Variants in LRP4 observed in about 807,000 individuals in gnomAD.
LRP4 encodes LDL receptor related protein 4, also known as low-density lipoprotein receptor-related protein 4.
In LRP4, 95 loss-of-function variants were observed where a neutral mutation model predicts 220.3. The ratio of observed to expected loss-of-function variants is 0.43; its 90% CI spans 0.37 to 0.51. The LOEUF (loss-of-function observed/expected upper bound fraction) is 0.51, where lower values mean the gene tolerates loss of function less well. Among genes scored for constraint, LRP4 ranks in the 20% least tolerant of loss-of-function variants. LRP4 has a pLI of 0.00. For synonymous variants in LRP4, 903 were observed against 954.6 expected, an observed-to-expected ratio of 0.95 and a Z score of 1.00; for missense variants, 1,925 against 2,567.0, an observed-to-expected ratio of 0.75 and a Z score of 5.40.
intron 8 of LRP4, 118 bp from the exon 9 acceptor site, chr11:46,896,453 G>A: frequency 7.6e-7 from 1 of 1,312,290 alleles, no homozygotes; most frequent in East Asian, 2.3e-5. Context: ...GGAGGGTGAG[G>A]GTCCTGGGCA....
chr11:46,875,677 A>G lies in LRP4; in HGVS notation c.3704T>C (p.Ile1235Thr). The G allele has an allele frequency of 5.0e-6, 8 of 1,613,880 alleles. No individual in the cohort carries two copies. The highest frequency in any genetic ancestry group is 6.8e-6 in the Non-Finnish European group (8 of 1,179,808). Residue 1235 changes from isoleucine (I) to threonine (T), a missense_variant, in exon 27 of 38, where the codon ATT (isoleucine) becomes ACT (threonine). Transcript: ENST00000378623. This position sits in a 1 kb window ranked among gnomAD's most constrained non-coding sequence, Gnocchi z 4.5. ...LLWADAHTER[I>T]EAADLNGANR... ...GGCACCATTCAGGTCAGCAGCCTCA[A>G]TTCGCTGCAGAGGAAGGAGAGGGTG...
chr11:46,896,455 T>G, intron 8 of LRP4, 120 bp from the exon 9 acceptor site: 1 of 1,277,380 alleles, frequency 7.8e-7, no homozygotes, highest in Non-Finnish European at 1.1e-6. Context: ...AGGGTGAGGG[T>G]CCTGGGCAGG....
intron 31 of LRP4, 78 bp from the exon 32 acceptor site, chr11:46,869,210 A>T: frequency 7.4e-7 from 1 of 1,358,312 alleles, no homozygotes; most frequent in Non-Finnish European, 1.0e-6. Context: ...TCTGTGCCTC[A>T]CCATGTGCCA....
Position 46,893,092 on chromosome 11 carries a change from G to A in LRP4, c.1578C>T (p.Tyr526=). Residue 526 remains tyrosine, a synonymous_variant, in exon 13 of 38, where the codon TAC becomes TAT. Transcript: ENST00000378623. ...TCCTCGAGGTGCCTGAGTCGGTCCA[G>A]TAGAGTTTGTCATGGACCCAATCCA... The part of the protein sequence containing the change: ...LAVDWVHDKL[Y]WTDSGTSRIE... The A allele has an allele frequency of 6.2e-7, 1 of 1,614,194 alleles. No homozygotes were observed. Among genetic ancestry groups the A allele is most frequent in the Non-Finnish European group, 8.5e-7 (1 of 1,180,020 alleles).
rs914781633 is a variant in LRP4 at position 46,864,512 on chromosome 11, C to T, written c.5179G>A (p.Ala1727Thr). Residue 1727 changes from alanine to threonine, a missense_variant, in exon 36 of 38, where the codon GCC becomes ACC. This residue lies in a region of LRP4 where 1,244 missense variants were observed against 1,624.9 expected (regional missense o/e 0.77). Transcript: ENST00000378623. The stretch of plus-strand genomic sequence containing the variant: ...AGAATACTGAGGAGTCCACCAATGG[C>T]GTAGCTGATATGAAGTCCTTCCCCT... Reference protein sequence around the residue: ...APGEGLHISYAIGGLLSILLI... With the variant: ...APGEGLHISYTIGGLLSILLI... 2.0e-5 allele frequency: 32 copies of T among 1,613,220 alleles called. No homozygotes were observed. Among genetic ancestry groups the T allele is most frequent in the Non-Finnish European group, 2.6e-5 (31 of 1,179,364 alleles).
At chr11:46,872,228 C>T (rs895977803) in intron 30 of LRP4, among the ~76,000 whole-genome samples, 3 of 152,184 alleles carry the variant, frequency 2.0e-5, no homozygotes, top group Admixed American at 2.0e-4. Flanking sequence ...TGCACTCCAG[C>T]CTGGGCAAAA....
At position 46,895,160 on chromosome 11, in the gene LRP4, C is replaced by A. The variant is rs532952316; in HGVS notation, c.1309+6G>T. ...GCCCACCCAGCCAAGTGCCAACAGCCCTTACCCAGAGCCTTGCAGCTGCGC... is the reference window on the plus strand; with the variant it reads ...GCCCACCCAGCCAAGTGCCAACAGCACTTACCCAGAGCCTTGCAGCTGCGC... On this transcript the variant is annotated splice_donor_region_variant and intron_variant, in intron 11 of 37. Transcript: ENST00000378623. 35 of 1,613,844 alleles carry A rather than the reference C, an allele frequency of 2.2e-5. 1 individual carries two copies. In the South Asian group the frequency reaches 3.6e-4, roughly 17 times the overall value.
intron 25 of LRP4, 94 bp downstream of exon 25, chr11:46,876,372 T>C (rs919188501): frequency 7.5e-6 from 11 of 1,474,868 alleles, no homozygotes; most frequent in Non-Finnish European, 8.5e-6. Flanking sequence ...GTTTCTGTGA[T>C]GCAAGCTTCC....
At chr11:46,907,512 A>T (rs1026273440) in intron 1 of LRP4, among the ~76,000 whole-genome samples, 3 of 152,192 alleles carry the variant, frequency 2.0e-5, no homozygotes, top group Non-Finnish European at 4.4e-5. Flanking sequence ...ACAAATTCGT[A>T]AACTTCCTTA....
rs779026507 is a variant in LRP4, at chr11:46,896,963, G to T, written c.828C>A (p.Arg276=). Residue 276 remains arginine, a synonymous_variant, in exon 8 of 38, where the codon CGC becomes CGA. Transcript: ENST00000378623. ...TTSMCTAEQF[R]CHSGRCVRLS... The stretch of plus-strand genomic sequence containing the variant: ...GGCGGACACAGCGGCCTGAGTGACA[G>T]CGGAACTGTTCTGCCGTACACATGG... 1 of 1,614,082 alleles carries T rather than the reference G, an allele frequency of 6.2e-7. No individual in the cohort carries two copies. The highest frequency in any genetic ancestry group is 8.5e-7 in the Non-Finnish European group (1 of 1,180,036).
chr11:46,895,855 A>C, intron 10 of LRP4, 29 bp downstream of exon 10: 1 of 1,608,466 alleles, frequency 6.2e-7, no homozygotes, highest in Non-Finnish European at 8.5e-7. Flanking sequence ...CAGAACCCCG[A>C]CTCTGCTGCA....
chr11:46,906,038 G>A (rs934526903), intron 1 of LRP4, among the ~76,000 whole-genome samples: 10 of 152,126 alleles, frequency 6.6e-5, no homozygotes, highest in African/African-American at 2.4e-4. Context: ...GGGAATAGGA[G>A]GAGGAGGTTA....
At position 46,889,963 on chromosome 11, in the gene LRP4, G is replaced by A. The variant is rs202075649; in HGVS notation, c.2073C>T (p.His691=). The A allele has an allele frequency of 1.9e-6, 3 of 1,614,070 alleles. No individual in the cohort carries two copies. The highest frequency in any genetic ancestry group is 1.6e-4 in the Middle Eastern group (1 of 6,084). ...LHFPMDIHTL[H]PQRQPAGKNR... is the part of the protein sequence containing the mutation. ...TTTTACCTGCAGGTTGGCGCTGGGGGTGCAAGGTGTGGATGTCCATAGGGA... is the reference window on the plus strand; with the variant it reads ...TTTTACCTGCAGGTTGGCGCTGGGGATGCAAGGTGTGGATGTCCATAGGGA... Residue 691 remains histidine, a synonymous_variant, in exon 15 of 38, where the codon CAC becomes CAT. Transcript: ENST00000378623.
In LRP4 at chr11:46,899,597, G is replaced by A; in HGVS notation, c.431-94C>T. ...ACTCCCAACCTCACTGGCTTTGGCG[G>A]GTCTGACCTAGCCCCCGAAAGGCAC... On this transcript the variant is annotated intron_variant, in intron 4 of 37. Coordinates refer to ENST00000378623, the MANE Select transcript of LRP4 (RefSeq NM_002334.4). The surrounding 1 kb of genome is among the most constrained non-coding windows in gnomAD (Gnocchi z 5.9). 1.0e-6 allele frequency: 1 copy of A among 965,188 alleles called. No homozygotes were observed. The highest frequency in any genetic ancestry group is 1.7e-6 in the Non-Finnish European group (1 of 602,518). The allele number at this position is 965,188 out of a possible 1,614,324, so 59.8% of individuals were successfully genotyped here.
chr11:46,884,808 G>A (rs941394732), intron 18 of LRP4, among the ~76,000 whole-genome samples: 1 of 151,756 alleles, frequency 6.6e-6, no homozygotes, highest in Non-Finnish European at 1.5e-5. Flanking sequence ...CTACTCGGGA[G>A]GCTGAGGCAG....
At chr11:46,897,580 C>T (rs1052925317) in intron 7 of LRP4, among the ~76,000 whole-genome samples, 34 of 149,172 alleles carry the variant, frequency 2.3e-4, no homozygotes, top group African/African-American at 4.0e-4. Context: ...TGACTCTTAA[C>T]GAGCATGCGG....
At chr11:46,911,400 T>A (rs1276207310) in intron 1 of LRP4, among the ~76,000 whole-genome samples, 4 of 152,106 alleles carry the variant, frequency 2.6e-5, no homozygotes, top group African/African-American at 9.6e-5. Context: ...TCCCCCTACA[T>A]CTCAAATCAG....
At chr11:46,877,123 G>A (rs1277996965) in intron 23 of LRP4, 76 bp downstream of exon 23, 2 of 1,533,734 alleles carry the variant, frequency 1.3e-6, no homozygotes, top group Admixed American at 1.7e-5. Context: ...GGAGACAAAG[G>A]TGGTGGGAGA....
At chr11:46,884,101 T>A in intron 18 of LRP4, 125 bp from the exon 19 acceptor site, 1 of 741,596 alleles carries the variant, frequency 1.3e-6, no homozygotes, top group South Asian at 1.5e-5. Context: ...AGATATTTTG[T>A]GACAGATGCA....
Sources: allele counts gnomAD v4.1 joint callset (sites outside exome capture counted in the v4.1 genomes callset), GRCh38; gene constraint gnomAD v4.1.1; regional missense constraint gnomAD v4.1.1; non-coding constraint Gnocchi (gnomAD v3.1); transcripts MANE v1.5; gene names NCBI Gene and HGNC (gene_info 2026-07-23, HGNC 2026-07-21).